RAB11FIP5: variants seen among roughly 807,000 people sequenced by gnomAD.
RAB11FIP5 encodes the protein RAB11 family interacting protein 5, also known as rab11 family-interacting protein 5.
A neutral mutation model predicts 85.1 loss-of-function variants in RAB11FIP5; 48 were observed. The observed-to-expected ratio is 0.56, with a 90% CI of 0.45 to 0.72. The LOEUF (loss-of-function observed/expected upper bound fraction) is 0.72. Among genes scored for constraint, RAB11FIP5 ranks in the 30% least tolerant of loss-of-function variants. The pLI, the probability that RAB11FIP5 is intolerant of heterozygous loss-of-function variation, is 0.00. For synonymous variants in RAB11FIP5, 729 were observed against 727.3 expected, an observed-to-expected ratio of 1.00 and a Z score of -0.04; for missense variants, 1,491 against 1,687.0, an observed-to-expected ratio of 0.88 and a Z score of 2.04.
At position 73,075,685 on chromosome 2, in the gene RAB11FIP5, G is replaced by C; in HGVS notation, c.3811C>G (p.Leu1271Val). 1 of 1,612,926 alleles carries C rather than the reference G, an allele frequency of 6.2e-7. No individual in the cohort carries two copies. The highest frequency in any genetic ancestry group is 8.5e-7 in the Non-Finnish European group (1 of 1,179,512). Residue 1271 changes from leucine (L) to valine (V), a missense_variant, in exon 6 of 6, where the codon CTG (leucine) becomes GTG (valine). This residue lies in a region of RAB11FIP5 where 232 missense variants were observed against 259.1 expected (regional missense o/e 0.90). Coordinates refer to ENST00000486777, the MANE Select transcript of RAB11FIP5 (RefSeq NM_001371272.1). This position sits in a 1 kb window ranked among gnomAD's most constrained non-coding sequence, Gnocchi z 4.6. ...VLDQSAKYYH[L>V]THDELISLLL... is the part of the protein sequence containing the mutation. ...AGGCTGATGAGCTCATCGTGGGTCA[G>C]GTGGTAGTACTTGGCCGACTGGTCC... is the stretch of plus-strand genomic sequence containing the variant.
At chr2:73,104,257 T>C (rs1373398288) in intron 1 of RAB11FIP5, among the ~76,000 whole-genome samples, 1 of 152,156 alleles carries the variant, frequency 6.6e-6, no homozygotes, top group Non-Finnish European at 1.5e-5. Flanking sequence ...TCTGTACCTT[T>C]AGAATTTGGA....
Position 73,075,680 on chromosome 2 carries a change from G to A in RAB11FIP5, c.3816C>T (p.Thr1272=). The change falls in exon 6 of 6, where the codon ACC becomes ACT. Residue 1272 remains threonine (T), a synonymous_variant. Transcript: ENST00000486777. The surrounding 1 kb of genome is among the most constrained non-coding windows in gnomAD (Gnocchi z 4.6). The part of the protein sequence containing the change: ...LDQSAKYYHL[T]HDELISLLLQ... ...GGAGCAGGCTGATGAGCTCATCGTGGGTCAGGTGGTAGTACTTGGCCGACT... is the reference window on the plus strand; with the variant it reads ...GGAGCAGGCTGATGAGCTCATCGTGAGTCAGGTGGTAGTACTTGGCCGACT... 1 of 1,613,108 alleles carries A rather than the reference G, an allele frequency of 6.2e-7. No homozygotes were observed. Among genetic ancestry groups the A allele is most frequent in the South Asian group, 1.1e-5 (1 of 90,892 alleles).
At position 73,073,531 on chromosome 2, in the gene RAB11FIP5, C is replaced by T. The variant is rs1388140085; in HGVS notation, c.*1990G>A. 3 of 152,610 alleles carry T rather than the reference C, an allele frequency of 2.0e-5. No homozygotes were observed. The highest frequency in any genetic ancestry group is 2.9e-5 in the Non-Finnish European group (2 of 68,082). 9.5% of individuals were successfully genotyped at this position (152,610 alleles called of 1,614,324 possible). A position where few individuals can be genotyped will look rare whatever the true frequency, so the allele number is the denominator to read the frequency against. On this transcript the variant is annotated 3_prime_UTR_variant, in exon 6 of 6. Transcript: ENST00000486777. ...ACCTGCAACTTTCCTCCAAGTGTGG[C>T]TAGGAGAAGAAACATCAACAAGGAC...
Position 73,079,673 on chromosome 2 carries a change from C to T in RAB11FIP5, c.3559G>A (p.Glu1187Lys), listed in dbSNP as rs1683929190. The T allele has an allele frequency of 8.1e-7, 1 of 1,233,486 alleles. No individual in the cohort carries two copies. The highest frequency in any genetic ancestry group is 4.1e-5 in the South Asian group (1 of 24,364). The allele number at this position is 1,233,486 out of a possible 1,614,324, so 76.4% of individuals were successfully genotyped here. ...CACCTGGCACTGGGCTGTGGCTCCT[C>T]AGCTGGTCGTGTCTCCAAGGGCAGA... is the stretch of plus-strand genomic sequence containing the variant. ...VLLPLETRPA[E>K]EPQPSASPHP... The change falls in exon 4 of 6, where the codon GAG (glutamate) becomes AAG (lysine). Residue 1187 changes from glutamate to lysine, a missense_variant. By Grantham distance (56) the Glu-to-Lys change is moderately conservative. Around this residue, in one of 3 missense-constraint regions of RAB11FIP5, gnomAD observed 232 missense variants for 259.1 expected, o/e 0.90. Transcript: ENST00000486777.
At chr2:73,101,287 G>C (rs1684425277) in intron 1 of RAB11FIP5, among the ~76,000 whole-genome samples, 1 of 152,136 alleles carries the variant, frequency 6.6e-6, no homozygotes, top group African/African-American at 2.4e-5. Context: ...CCAGGTGATA[G>C]CATGAAACGG....
rs1683944236 is a variant in RAB11FIP5 at position 73,080,170 on chromosome 2, G to A, written c.3062C>T (p.Thr1021Ile). The A allele has an allele frequency of 1.6e-6, 2 of 1,232,164 alleles. No individual in the cohort carries two copies. Among genetic ancestry groups the A allele is most frequent in the Non-Finnish European group, 2.0e-6 (2 of 988,016 alleles). The allele number at this position is 1,232,164 out of a possible 1,614,324, so 76.3% of individuals were successfully genotyped here. A position where few individuals can be genotyped will look rare whatever the true frequency, so the allele number is the denominator to read the frequency against. Residue 1021 changes from threonine to isoleucine, a missense_variant, in exon 4 of 6, where the codon ACT (threonine) becomes ATT (isoleucine). Physicochemically the swap from Thr to Ile is moderately conservative, Grantham distance 89. Around this residue, in one of 3 missense-constraint regions of RAB11FIP5, gnomAD observed 1,211 missense variants for 1,338.0 expected, o/e 0.91. Coordinates refer to ENST00000486777, the MANE Select transcript of RAB11FIP5 (RefSeq NM_001371272.1). ...CTCAGGGCCTTCTCCAACCTCTGGA[G>A]TCCCCCAGATGTGCTGACTCTGAAG... ...LALQSQHIWG[T>I]PEVGEGPEAP...
Position 73,088,675 on chromosome 2 carries a change from C to G in RAB11FIP5, c.943G>C (p.Val315Leu), listed in dbSNP as rs773729005. ...TCCAGAAGGGCCCGAGGAGGAGCCA[C>G]TCGCATCTGGTTGGCCTCATCGCTG... The part of the protein sequence containing the change: ...TYSDEANQMR[V>L]APPRALLDLQ... Residue 315 changes from valine to leucine, a missense_variant, in exon 3 of 6, where the codon GTG (valine) becomes CTG (leucine). Around this residue, in one of 3 missense-constraint regions of RAB11FIP5, gnomAD observed 1,211 missense variants for 1,338.0 expected, o/e 0.91. Coordinates refer to ENST00000486777, the MANE Select transcript of RAB11FIP5 (RefSeq NM_001371272.1). The G allele has an allele frequency of 6.2e-7, 1 of 1,613,130 alleles. No homozygotes were observed. The highest frequency in any genetic ancestry group is 1.1e-5 in the South Asian group (1 of 91,076).
rs771738233 is a variant in RAB11FIP5, at chr2:73,089,377, G to A, written c.432-62C>T. The A allele has an allele frequency of 2.2e-5, 34 of 1,548,974 alleles. No individual in the cohort carries two copies. The South Asian group carries it at 2.3e-4, about 11-fold the overall frequency. The stretch of plus-strand genomic sequence containing the variant: ...GGCCCAGGGAGCCTGGCTCCCGCCC[G>A]GTACCAGGCACTGCCCAGACCCCTC... On this transcript the variant is annotated intron_variant, in intron 1 of 5. Transcript: ENST00000486777. The surrounding 1 kb of genome is among the most constrained non-coding windows in gnomAD (Gnocchi z 4.6).
At chr2:73,100,960 T>G (rs1156688289) in intron 1 of RAB11FIP5, among the ~76,000 whole-genome samples, 3 of 151,476 alleles carry the variant, frequency 2.0e-5, no homozygotes, top group Non-Finnish European at 4.4e-5. Context: ...CTGGGCTTCC[T>G]GCTGGTATAG....
chr2:73,077,319 C>T (rs1683881952), intron 4 of RAB11FIP5, among the ~76,000 whole-genome samples: 1 of 152,214 alleles, frequency 6.6e-6, no homozygotes, highest in Non-Finnish European at 1.5e-5. Context: ...GGCTCATCCT[C>T]TTCAGCCTCG....
chr2:73,091,522 G>A (rs1021879246), intron 1 of RAB11FIP5, among the ~76,000 whole-genome samples: 6 of 152,172 alleles, frequency 3.9e-5, no homozygotes, highest in Admixed American at 2.0e-4. Context: ...TCCACCTCCC[G>A]CCTGAGCTCT....
At chr2:73,111,573 A>C (rs576930423) in intron 1 of RAB11FIP5, among the ~76,000 whole-genome samples, 1 of 152,232 alleles carries the variant, frequency 6.6e-6, no homozygotes, top group Non-Finnish European at 1.5e-5. Flanking sequence ...TAAATGATTT[A>C]AAAAAACCCT....
chr2:73,104,859 G>A (rs2106123327), intron 1 of RAB11FIP5, among the ~76,000 whole-genome samples: 1 of 152,284 alleles, frequency 6.6e-6, no homozygotes, highest in South Asian at 2.1e-4. Context: ...CTGCTTTGTA[G>A]AGGAATTGTC....
intron 1 of RAB11FIP5, among the ~76,000 whole-genome samples, chr2:73,102,820 T>C (rs1684455256): frequency 6.6e-6 from 1 of 152,194 alleles, no homozygotes; most frequent in South Asian, 2.1e-4. Flanking sequence ...GACTGGAAGA[T>C]GGGAGACCTA....
Position 73,086,813 on chromosome 2 carries a change from G to A in RAB11FIP5, c.1568+1237C>T, listed in dbSNP as rs1019073259. On this transcript the variant is annotated intron_variant, in intron 3 of 5. Coordinates refer to ENST00000486777, the MANE Select transcript of RAB11FIP5 (RefSeq NM_001371272.1). The surrounding 1 kb of genome is among the most constrained non-coding windows in gnomAD (Gnocchi z 4.4). The stretch of plus-strand genomic sequence containing the variant: ...GGGCGGGGCAGTAGGGACAGGAGCT[G>A]CCATACCAAGCAAGGGAGGCAAGGG... Among the ~76,000 whole-genome samples, 1 of 152,152 alleles carries A rather than the reference G, an allele frequency of 6.6e-6. No individual in the cohort carries two copies.
rs534801700 is a variant in RAB11FIP5 at position 73,081,028 on chromosome 2, G to C, written c.2204C>G (p.Ala735Gly). Reference protein sequence around the residue: ...PLDLGPNHQSASAADPGLLGS... With the variant: ...PLDLGPNHQSGSAADPGLLGS... The stretch of plus-strand genomic sequence containing the variant: ...GAGGAGCCCTGGGTCAGCCGCGCTC[G>C]CGCTCTGGTGGTTCGGTCCCAAGTC... Residue 735 changes from alanine (A) to glycine (G), a missense_variant, in exon 4 of 6, where the codon GCG (alanine) becomes GGG (glycine). By Grantham distance (60) the Ala-to-Gly change is moderately conservative (BLOSUM62 0). This residue lies in a region of RAB11FIP5 where 1,211 missense variants were observed against 1,338.0 expected (regional missense o/e 0.91). Coordinates refer to ENST00000486777, the MANE Select transcript of RAB11FIP5 (RefSeq NM_001371272.1). The surrounding 1 kb of genome is among the most constrained non-coding windows in gnomAD (Gnocchi z 4.2). 2.0e-5 allele frequency: 25 copies of C among 1,232,358 alleles called. No homozygotes were observed. The highest frequency in any genetic ancestry group is 2.1e-5 in the Non-Finnish European group (21 of 988,214). 76.3% of individuals were successfully genotyped at this position (1,232,358 alleles called of 1,614,324 possible).
Position 73,088,176 on chromosome 2 carries a change from C to T in RAB11FIP5, c.1442G>A (p.Ser481Asn), listed in dbSNP as rs201625360. 74 of 1,613,914 alleles carry T rather than the reference C, an allele frequency of 4.6e-5. No individual in the cohort carries two copies. Among genetic ancestry groups the T allele is most frequent in the Non-Finnish European group, 5.7e-5 (67 of 1,180,046 alleles). ...GGGACCCCCCTTTTCCCCCAGAGAG[C>T]TTCGGCGACCCAACTCGCTCCGACT... ...GLSRSELGRRSSLGEKGGPIL... is the reference protein window; with the variant it reads ...GLSRSELGRRNSLGEKGGPIL... Residue 481 changes from serine to asparagine, a missense_variant, in exon 3 of 6, where the codon AGC (serine) becomes AAC (asparagine). Transcript: ENST00000486777.
chr2:73,095,869 T>C (rs1423903050), intron 1 of RAB11FIP5, among the ~76,000 whole-genome samples: 1 of 152,010 alleles, frequency 6.6e-6, no homozygotes, highest in East Asian at 1.9e-4. Flanking sequence ...TTTCAAAAGG[T>C]TGGCACAATC....
At chr2:73,087,323 G>A (rs1355134601) in intron 3 of RAB11FIP5, among the ~76,000 whole-genome samples, 1 of 152,158 alleles carries the variant, frequency 6.6e-6, no homozygotes, top group Non-Finnish European at 1.5e-5. Context: ...TAGGCATCAG[G>A]GTCTCTGCCC....
Sources: allele counts gnomAD v4.1 joint callset (sites outside exome capture counted in the v4.1 genomes callset), GRCh38; gene constraint gnomAD v4.1.1; regional missense constraint gnomAD v4.1.1; non-coding constraint Gnocchi (gnomAD v3.1); transcripts MANE v1.5; gene names NCBI Gene and HGNC (gene_info 2026-07-23, HGNC 2026-07-21).